SND1: variants seen among roughly 807,000 people sequenced by gnomAD.
SND1 encodes staphylococcal nuclease domain-containing protein 1.
Under a neutral mutation model 121.7 loss-of-function variants are expected in SND1, and 38 were observed. The ratio of observed to expected loss-of-function variants is 0.31; its 90% CI spans 0.24 to 0.41. SND1 has a LOEUF of 0.41. Ranked by LOEUF, SND1 falls within the 10% of genes least tolerant of loss-of-function variation. The pLI is 1.00. For synonymous variants in SND1, 401 were observed against 447.4 expected (o/e 0.90, Z 1.31); for missense variants, 868 against 1,184.6 (o/e 0.73, Z 3.92).
chr7:127,915,569 A>C (rs1800556658), intron 14 of SND1, among the ~76,000 whole-genome samples: 1 of 152,232 alleles, frequency 6.6e-6, no homozygotes, highest in Non-Finnish European at 1.5e-5. Context: ...GCCAGCAAGA[A>C]TGCTGAGTGT....
intron 3 of SND1, among the ~76,000 whole-genome samples, chr7:127,695,694 C>T (rs1217951028): frequency 6.6e-6 from 1 of 152,026 alleles, no homozygotes; most frequent in East Asian, 1.9e-4. Context: ...GGCGTGGTGG[C>T]GCACGCCTGT....
At chr7:127,860,258 G>T (rs1260262603) in intron 12 of SND1, among the ~76,000 whole-genome samples, 2 of 152,168 alleles carry the variant, frequency 1.3e-5, no homozygotes, top group Admixed American at 1.3e-4. Flanking sequence ...GATTTCAGTG[G>T]TGGGAATGTT....
chr7:128,084,207 C>T (rs572852695), intron 18 of SND1, among the ~76,000 whole-genome samples: 10 of 152,326 alleles, frequency 6.6e-5, no homozygotes, highest in South Asian at 6.2e-4. Flanking sequence ...GCCTTTTCCA[C>T]GGTGGTGTGG....
chr7:127,877,569 T>C (rs887370377), intron 12 of SND1, among the ~76,000 whole-genome samples: 1 of 152,050 alleles, frequency 6.6e-6, no homozygotes, highest in African/African-American at 2.4e-5. Flanking sequence ...GGCTAGGGGA[T>C]TATGAAGTGA....
chr7:127,819,772 T>C (rs929921254), intron 11 of SND1, among the ~76,000 whole-genome samples: 2 of 152,218 alleles, frequency 1.3e-5, no homozygotes, highest in Admixed American at 1.3e-4. Context: ...GGACTACTTT[T>C]AGGGTTCCAA....
At chr7:127,899,795 A>T (rs551388360) in intron 13 of SND1, among the ~76,000 whole-genome samples, 3 of 152,306 alleles carry the variant, frequency 2.0e-5, no homozygotes, top group Admixed American at 6.5e-5. Flanking sequence ...ATCTTGAAAT[A>T]AATTGGTGAG....
chr7:127,687,038 T>C, intron 2 of SND1: 1 of 311,446 alleles, frequency 3.2e-6, no homozygotes, highest in South Asian at 6.8e-5. Context: ...TGGAATAGTT[T>C]AGGAACATTT....
chr7:127,723,997 G>A (rs1327279776), intron 10 of SND1, among the ~76,000 whole-genome samples: 1 of 152,174 alleles, frequency 6.6e-6, no homozygotes, highest in Non-Finnish European at 1.5e-5. Context: ...CATATTTCAA[G>A]GACTCAATAG....
intron 2 of SND1, among the ~76,000 whole-genome samples, chr7:127,688,856 A>G (rs1220019458): frequency 6.6e-6 from 1 of 152,206 alleles, no homozygotes; most frequent in African/African-American, 2.4e-5. Flanking sequence ...TAAAGAAGAA[A>G]AAGCAAGAGT....
intron 10 of SND1, among the ~76,000 whole-genome samples, chr7:127,794,192 C>T (rs954811922): frequency 6.6e-6 from 1 of 152,272 alleles, no homozygotes; most frequent in East Asian, 1.9e-4. Flanking sequence ...AATATTTATG[C>T]ACAGGCTTAG....
intron 10 of SND1, among the ~76,000 whole-genome samples, chr7:127,785,533 C>T (rs983043227): frequency 6.6e-6 from 1 of 152,118 alleles, no homozygotes; most frequent in Non-Finnish European, 1.5e-5. Flanking sequence ...GCCTTTTGGC[C>T]TAAAAGTGAT....
At chr7:127,839,972 A>G (rs1798934186) in intron 11 of SND1, among the ~76,000 whole-genome samples, 1 of 152,262 alleles carries the variant, frequency 6.6e-6, no homozygotes, top group Non-Finnish European at 1.5e-5. Flanking sequence ...AATGGTCCTC[A>G]GGATGCCCTG....
At chr7:127,656,454 C>T (rs1428137255) in intron 1 of SND1, among the ~76,000 whole-genome samples, 1 of 151,930 alleles carries the variant, frequency 6.6e-6, no homozygotes, top group African/African-American at 2.4e-5. Context: ...TCCCGAGTAG[C>T]TGGGATTACA....
At chr7:127,771,807 A>G (rs556206684) in intron 10 of SND1, among the ~76,000 whole-genome samples, 1 of 152,300 alleles carries the variant, frequency 6.6e-6, no homozygotes, top group Non-Finnish European at 1.5e-5. Flanking sequence ...TGATACCTCT[A>G]TTATACATCA....
chr7:127,892,118 T>A (rs1371816760), intron 13 of SND1, among the ~76,000 whole-genome samples: 1 of 152,076 alleles, frequency 6.6e-6, no homozygotes, highest in Non-Finnish European at 1.5e-5. Flanking sequence ...TGGCCATTAG[T>A]ACTTTCAGAG....
intron 13 of SND1, among the ~76,000 whole-genome samples, chr7:127,894,178 C>G (rs1398115963): frequency 1.3e-5 from 2 of 151,960 alleles, no homozygotes; most frequent in African/African-American, 4.8e-5. Flanking sequence ...TAATGGGGGC[C>G]ACAGTGGGCT....
At chr7:127,904,235 A>C (rs1033213791) in intron 13 of SND1, 3 of 152,480 alleles carry the variant, frequency 2.0e-5, no homozygotes, top group African/African-American at 7.2e-5. Flanking sequence ...AGCATTTGCT[A>C]ATTTTTTTTC....
intron 16 of SND1, among the ~76,000 whole-genome samples, chr7:128,047,030 A>G (rs558516520): frequency 1.3e-5 from 2 of 152,336 alleles, no homozygotes; most frequent in South Asian, 4.1e-4. Context: ...ATGGGTTTTT[A>G]TAAATATTTT....
intron 16 of SND1, among the ~76,000 whole-genome samples, chr7:127,994,136 A>C (rs1156342791): frequency 6.6e-6 from 1 of 152,160 alleles, no homozygotes; most frequent in Non-Finnish European, 1.5e-5. Flanking sequence ...AGCTTTAGAC[A>C]AGTCTTTTAT....
Sources: gnomAD v4.1 joint callset for allele counts (sites outside exome capture counted in the v4.1 genomes callset) on GRCh38, gnomAD v4.1.1 for gene constraint, MANE v1.5 for transcripts, NCBI Gene and HGNC (gene_info 2026-07-23, HGNC 2026-07-21) for gene names.